CNTN4: variants seen among roughly 807,000 people sequenced by gnomAD.
CNTN4 encodes the protein contactin-4.
A neutral mutation model predicts 122.5 loss-of-function variants in CNTN4; 77 were observed. The observed-to-expected ratio is 0.63, with a 90% CI of 0.52 to 0.76. CNTN4 has a LOEUF of 0.76. Ranked by LOEUF, CNTN4 falls within the 30% of genes least tolerant of loss-of-function variation. The probability of loss-of-function intolerance (pLI) is 0.00; values close to 1 mark genes in which losing one functional copy is unlikely to be tolerated. For synonymous variants in CNTN4, 512 were observed against 447.0 expected (o/e 1.15, Z -1.83); for missense variants, 1,256 against 1,259.1 (o/e 1.00, Z 0.04).
At chr3:2,341,567 TCATTTTGATG>T (rs1298530776) in intron 3 of CNTN4, among the ~76,000 whole-genome samples, 8 of 152,316 alleles carry the variant, frequency 5.3e-5, no homozygotes, top group African/African-American at 1.7e-4. Context: ...AGGTTTCCTC[TCATTTTGATG>T]ATGCCCCTTG....
intron 2 of CNTN4, among the ~76,000 whole-genome samples, chr3:2,278,740 G>A (rs772969712): frequency 3.9e-5 from 6 of 152,048 alleles, no homozygotes; most frequent in Non-Finnish European, 5.9e-5. Context: ...ACTTCTTTGT[G>A]CCTTAGTTTC....
chr3:2,626,926 G>A (rs2082212561), intron 4 of CNTN4, among the ~76,000 whole-genome samples: 2 of 152,222 alleles, frequency 1.3e-5, no homozygotes, highest in Non-Finnish European at 2.9e-5. Flanking sequence ...GCAGTACACA[G>A]AAGTTTATCT....
intron 3 of CNTN4, among the ~76,000 whole-genome samples, chr3:2,567,095 TC>T (rs139412471): frequency 0.46 from 63,291 of 137,478 alleles, 16,301 homozygotes; most frequent in East Asian, 0.87. Context: ...TTTTTTTTTT[TC>T]TTTTTTTCAG....
rs1392789526 is a variant in CNTN4, at chr3:2,328,942, A to G, written c.-144-10236A>G. On this transcript the variant is annotated intron_variant, in intron 2 of 24. Transcript: ENST00000418658. Reference sequence around the variant, plus strand: ...ACCATATTTCTTAACATAGCTGCTTACCATCTCTAATGTTGTCTATTTACC... The same window carrying G: ...ACCATATTTCTTAACATAGCTGCTTGCCATCTCTAATGTTGTCTATTTACC... Among the ~76,000 whole-genome samples, 3 of 152,164 alleles carry G rather than the reference A, an allele frequency of 2.0e-5. No individual in the cohort carries two copies. In the East Asian group the frequency reaches 5.8e-4, roughly 29 times the overall value.
At chr3:2,677,006 A>G (rs1011912960) in intron 4 of CNTN4, among the ~76,000 whole-genome samples, 14 of 152,058 alleles carry the variant, frequency 9.2e-5, no homozygotes, top group Admixed American at 2.6e-4. Context: ...TTAAGTAAGT[A>G]TCTGTCCGAG....
rs1308795836 is a variant in CNTN4, at chr3:2,988,478, G to A, written c.1486+6G>A. On this transcript the variant is annotated splice_donor_region_variant and intron_variant, in intron 14 of 24. Transcript: ENST00000418658. ...TGGAAACTTGGTAGTGAAAGGTAATGGCTAACCCAAAGAATTCGAATATTT... is the reference window on the plus strand; with the variant it reads ...TGGAAACTTGGTAGTGAAAGGTAATAGCTAACCCAAAGAATTCGAATATTT... The A allele has an allele frequency of 1.9e-6, 3 of 1,613,446 alleles. No homozygotes were observed. In the South Asian group the frequency reaches 3.3e-5, roughly 18 times the overall value.
chr3:2,686,531 G>T, intron 4 of CNTN4, among the ~76,000 whole-genome samples: 1 of 150,358 alleles, frequency 6.7e-6, no homozygotes, highest in African/African-American at 2.5e-5. Context: ...CAGTTTTATT[G>T]AGATATAATT....
chr3:2,410,397 A>G (rs904676134), intron 3 of CNTN4, among the ~76,000 whole-genome samples: 4 of 152,244 alleles, frequency 2.6e-5, no homozygotes, highest in African/African-American at 9.6e-5. Context: ...CTTGAAATCA[A>G]TAATAAAGAC....
intron 1 of CNTN4, chr3:2,099,858 T>C (rs2031759576): frequency 6.6e-6 from 1 of 152,390 alleles, no homozygotes; most frequent in African/African-American, 2.4e-5. Flanking sequence ...AAAATCTTCG[T>C]GCATTTTCTC....
At chr3:2,258,727 C>T (rs2040700329) in intron 2 of CNTN4, among the ~76,000 whole-genome samples, 1 of 152,116 alleles carries the variant, frequency 6.6e-6, no homozygotes, top group South Asian at 2.1e-4. Flanking sequence ...TTTTGCTTCA[C>T]AGATACTTTG....
At chr3:3,003,982 A>G (rs1696343630) in intron 14 of CNTN4, among the ~76,000 whole-genome samples, 1 of 151,812 alleles carries the variant, frequency 6.6e-6, no homozygotes, top group African/African-American at 2.4e-5. Context: ...CTAGTCTAGA[A>G]CTCCTGGGCT....
intron 3 of CNTN4, among the ~76,000 whole-genome samples, chr3:2,513,826 G>A (rs2076962214): frequency 6.6e-6 from 1 of 152,124 alleles, no homozygotes; most frequent in South Asian, 2.1e-4. Context: ...AGGGTATGTG[G>A]TCTCTTGACA....
intron 3 of CNTN4, among the ~76,000 whole-genome samples, chr3:2,565,222 T>C (rs2079106438): frequency 6.6e-6 from 1 of 152,192 alleles, no homozygotes; most frequent in Non-Finnish European, 1.5e-5. Flanking sequence ...AGGTCCCTTA[T>C]GTCTTCCCCT....
chr3:2,442,027 T>C (rs2048460873), intron 3 of CNTN4, among the ~76,000 whole-genome samples: 2 of 152,158 alleles, frequency 1.3e-5, no homozygotes, highest in Admixed American at 6.6e-5. Context: ...CTATAACTAG[T>C]ATTTAATATG....
intron 13 of CNTN4, among the ~76,000 whole-genome samples, chr3:2,952,280 T>A (rs1005435707): frequency 1.3e-5 from 2 of 152,202 alleles, no homozygotes; most frequent in African/African-American, 4.8e-5. Context: ...AGTCCAAGAC[T>A]CTCTTGGATC....
intron 3 of CNTN4, among the ~76,000 whole-genome samples, chr3:2,398,312 G>T (rs1240070375): frequency 6.6e-6 from 1 of 152,022 alleles, no homozygotes; most frequent in African/African-American, 2.4e-5. Flanking sequence ...TTCTTCTTTA[G>T]TGTGAAATAA....
At chr3:2,915,606 A>G (rs773610787) in intron 12 of CNTN4, among the ~76,000 whole-genome samples, 10 of 152,188 alleles carry the variant, frequency 6.6e-5, no homozygotes, top group Non-Finnish European at 1.3e-4. Flanking sequence ...AAAGCTTTCA[A>G]TTTTTCACTG....
intron 3 of CNTN4, among the ~76,000 whole-genome samples, chr3:2,542,417 G>C (rs929396048): frequency 1.3e-5 from 2 of 152,104 alleles, no homozygotes; most frequent in Non-Finnish European, 2.9e-5. Flanking sequence ...AGTATAGATA[G>C]GAGACAGAAT....
chr3:3,004,627 T>C (rs1696426245), intron 14 of CNTN4, among the ~76,000 whole-genome samples: 1 of 152,246 alleles, frequency 6.6e-6, no homozygotes, highest in Non-Finnish European at 1.5e-5. Flanking sequence ...GTAAAATTTA[T>C]ATAATAGTAC....
Sources: gnomAD v4.1 joint callset for allele counts (sites outside exome capture counted in the v4.1 genomes callset) on GRCh38, gnomAD v4.1.1 for gene constraint, MANE v1.5 for transcripts, NCBI Gene and HGNC (gene_info 2026-07-23, HGNC 2026-07-21) for gene names.